DHCR24: variants seen among roughly 807,000 people sequenced by gnomAD.
DHCR24 encodes delta(24)-sterol reductase.
Under a neutral mutation model 61.2 loss-of-function variants are expected in DHCR24, and 28 were observed. The observed-to-expected ratio is 0.46, with a 90% CI of 0.34 to 0.63. The LOEUF is 0.63. Ranked by LOEUF, DHCR24 falls within the 20% of genes least tolerant of loss-of-function variation. The pLI, the probability that DHCR24 is intolerant of heterozygous loss-of-function variation, is 0.01. For synonymous variants in DHCR24, 261 were observed against 275.9 expected (o/e 0.95, Z 0.54); for missense variants, 538 against 679.1 (o/e 0.79, Z 2.31).
intron 1 of DHCR24, chr1:54,886,645 C>T: frequency 2.0e-6 from 3 of 1,485,964 alleles, no homozygotes; most frequent in Non-Finnish European, 2.7e-6. Context: ...CCCCCTCTTC[C>T]CCTTCTTCAT....
intron 6 of DHCR24, among the ~76,000 whole-genome samples, chr1:54,858,760 C>CT (rs1646920999): frequency 6.6e-6 from 1 of 152,172 alleles, no homozygotes; most frequent in Non-Finnish European, 1.5e-5. Context: ...CCACAGCCTC[C>CT]TGAGTAGCTG....
rs1646869481 is a variant in DHCR24 at position 54,850,538 on chromosome 1, A to C, written c.*1695T>G. On this transcript the variant is annotated 3_prime_UTR_variant, in exon 9 of 9. Coordinates refer to ENST00000371269, the MANE Select transcript of DHCR24 (RefSeq NM_014762.4). ...GGCAGTGTGCCAAGCCTTGGGTGGG[A>C]TGGGTGAACACCCTTCAATGACTCT... is the stretch of plus-strand genomic sequence containing the variant. 6.6e-6 allele frequency: 1 copy of C among 152,156 alleles called. No homozygotes were observed. Among genetic ancestry groups the C allele is most frequent in the African/African-American group, 2.4e-5 (1 of 41,426 alleles). 9.4% of individuals were successfully genotyped at this position (152,156 alleles called of 1,614,324 possible). A position where few individuals can be genotyped will look rare whatever the true frequency, so the allele number is the denominator to read the frequency against.
rs1248506850 is a variant in DHCR24 at position 54,853,512 on chromosome 1, T to A, written c.1319A>T (p.Tyr440Phe). 6.2e-7 allele frequency: 1 copy of A among 1,614,046 alleles called. No homozygotes were observed. The highest frequency in any genetic ancestry group is 8.5e-7 in the Non-Finnish European group (1 of 1,180,034). Reference sequence around the variant, plus strand: ...AAAGTGTTTCACACGCGGCTCCCCATATGCTCCAATGTCGATGTAGAGCTC... The same window carrying A: ...AAAGTGTTTCACACGCGGCTCCCCAAATGCTCCAATGTCGATGTAGAGCTC... The part of the protein sequence containing the change: ...EAELYIDIGA[Y>F]GEPRVKHFEA... Residue 440 changes from tyrosine (Y) to phenylalanine (F), a missense_variant, in exon 8 of 9, where the codon TAT (tyrosine) becomes TTT (phenylalanine). By Grantham distance (22) the Tyr-to-Phe change is conservative (BLOSUM62 3). Coordinates refer to ENST00000371269, the MANE Select transcript of DHCR24 (RefSeq NM_014762.4).
chr1:54,856,842 A>G (rs2101558071), intron 6 of DHCR24, among the ~76,000 whole-genome samples: 1 of 152,304 alleles, frequency 6.6e-6, no homozygotes, highest in East Asian at 1.9e-4. Flanking sequence ...AGCTTGTACC[A>G]TTTTATACTC....
Position 54,876,032 on chromosome 1 carries a change from G to C in DHCR24, c.403C>G (p.Pro135Ala). ...GTCACCTGGCCCATGGTCACCAAGG[G>C]CTCCACACGGACAATCTGTTGACAC... The part of the protein sequence containing the change: ...DTKKQIVRVE[P>A]LVTMGQVTAL... The change falls in exon 3 of 9, where the codon CCC (proline) becomes GCC (alanine). Residue 135 changes from proline to alanine, a missense_variant. Pro to Ala is a conservative substitution (Grantham distance 27). Transcript: ENST00000371269. 1 of 1,613,900 alleles carries C rather than the reference G, an allele frequency of 6.2e-7. No individual in the cohort carries two copies. The highest frequency in any genetic ancestry group is 8.5e-7 in the Non-Finnish European group (1 of 1,179,822).
At chr1:54,865,242 T>C (rs1646961401) in intron 6 of DHCR24, 61 bp downstream of exon 6, 1 of 1,574,150 alleles carries the variant, frequency 6.4e-7, no homozygotes, top group East Asian at 2.3e-5. Context: ...CAGTGTTAAC[T>C]GTCCGGGCTC....
chr1:54,882,771 T>C (rs770559015), intron 2 of DHCR24, among the ~76,000 whole-genome samples: 3 of 152,168 alleles, frequency 2.0e-5, no homozygotes, highest in Admixed American at 6.5e-5. Context: ...ATTCCATTTA[T>C]ATAAACTCTA....
chr1:54,870,402 G>C (rs150235651), intron 5 of DHCR24, among the ~76,000 whole-genome samples: 13 of 152,280 alleles, frequency 8.5e-5, no homozygotes, highest in African/African-American at 2.4e-4. Context: ...AATCCATACA[G>C]AGAAAGAGGA....
At chr1:54,860,829 C>T (rs1646933070) in intron 6 of DHCR24, among the ~76,000 whole-genome samples, 1 of 150,602 alleles carries the variant, frequency 6.6e-6, no homozygotes, top group Non-Finnish European at 1.5e-5. Flanking sequence ...GCTAAAAATA[C>T]AAAAAAAAAT....
intron 6 of DHCR24, among the ~76,000 whole-genome samples, chr1:54,854,995 C>T (rs1646898900): frequency 6.6e-6 from 1 of 152,176 alleles, no homozygotes; most frequent in Non-Finnish European, 1.5e-5. Flanking sequence ...TCACAATCCT[C>T]CTCCCTGCTT....
intron 6 of DHCR24, among the ~76,000 whole-genome samples, chr1:54,859,565 C>G (rs1646924724): frequency 6.6e-6 from 1 of 152,034 alleles, no homozygotes; most frequent in Non-Finnish European, 1.5e-5. Context: ...CCTCCACTTC[C>G]TGGGTTCTCC....
chr1:54,851,753 G>A lies in DHCR24; in HGVS notation c.*480C>T, dbSNP rs576670614. 6.1e-4 allele frequency: 101 copies of A among 166,170 alleles called. 1 individual carries two copies. Among genetic ancestry groups the A allele is most frequent in the South Asian group, 3.1e-3 (19 of 6,222 alleles). The allele number at this position is 166,170 out of a possible 1,614,324, so 10.3% of individuals were successfully genotyped here. A position where few individuals can be genotyped will look rare whatever the true frequency, so the allele number is the denominator to read the frequency against. ...GAGGCGATGGCAGGGCAACTCCAGCGTATCCCCTTCATCATTCCAGCCATG... is the reference window on the plus strand; with the variant it reads ...GAGGCGATGGCAGGGCAACTCCAGCATATCCCCTTCATCATTCCAGCCATG... On this transcript the variant is annotated 3_prime_UTR_variant, in exon 9 of 9. Transcript: ENST00000371269.
rs1363991216 is a variant in DHCR24, at chr1:54,854,049, T to C, written c.1206A>G (p.Gln402=). ...KCLQQALHTF[Q]NDIHVYPIWL... ...CTGCCCCACTCACGTGGATGTCGTT[T>C]TGGAAGGTGTGCAGGGCCTGCTGCA... The change falls in exon 7 of 9, where the codon CAA becomes CAG. Residue 402 remains glutamine, a synonymous_variant. Transcript: ENST00000371269. 1 of 1,612,984 alleles carries C rather than the reference T, an allele frequency of 6.2e-7. No homozygotes were observed. The highest frequency in any genetic ancestry group is 1.3e-5 in the African/African-American group (1 of 74,914).
intron 6 of DHCR24, among the ~76,000 whole-genome samples, chr1:54,857,381 C>G (rs1238004490): frequency 6.6e-6 from 1 of 152,262 alleles, no homozygotes; most frequent in Non-Finnish European, 1.5e-5. Flanking sequence ...TCTATGAACA[C>G]AAGGACCCTA....
At chr1:54,858,786 A>G (rs1052656131) in intron 6 of DHCR24, among the ~76,000 whole-genome samples, 1 of 152,048 alleles carries the variant, frequency 6.6e-6, no homozygotes, top group South Asian at 2.1e-4. Flanking sequence ...ACAGGCATGC[A>G]CCACCACATC....
chr1:54,867,583 T>C (rs1646974146), intron 5 of DHCR24, among the ~76,000 whole-genome samples: 1 of 152,114 alleles, frequency 6.6e-6, no homozygotes, highest in Non-Finnish European at 1.5e-5. Flanking sequence ...ATCATAATCT[T>C]AGGGAGCATC....
chr1:54,877,211 C>T (rs1189145470), intron 2 of DHCR24, among the ~76,000 whole-genome samples: 3 of 151,834 alleles, frequency 2.0e-5, no homozygotes, highest in Non-Finnish European at 4.4e-5. Flanking sequence ...TCCTTTCACA[C>T]TATTTTGTAT....
chr1:54,867,852 C>T (rs600491), intron 5 of DHCR24, among the ~76,000 whole-genome samples: 72,408 of 152,064 alleles, frequency 0.48, 18,997 homozygotes, highest in South Asian at 0.65. Flanking sequence ...GTATTGCCAC[C>T]GCTGTTCCAG....
chr1:54,851,801 T>C lies in DHCR24; in HGVS notation c.*432A>G. On this transcript the variant is annotated 3_prime_UTR_variant, in exon 9 of 9. Coordinates refer to ENST00000371269, the MANE Select transcript of DHCR24 (RefSeq NM_014762.4). ...ATGGCTGTGCACAGGTGACCTAATG[T>C]GGAGCCTTTTCAGGCTCCACTGCAG... 1 of 212,770 alleles carries C rather than the reference T, an allele frequency of 4.7e-6. No individual in the cohort carries two copies. Among genetic ancestry groups the C allele is most frequent in the Non-Finnish European group, 9.5e-6 (1 of 104,876 alleles). The allele number at this position is 212,770 out of a possible 1,614,324, so 13.2% of individuals were successfully genotyped here.
Sources: gnomAD v4.1 joint callset for allele counts (sites outside exome capture counted in the v4.1 genomes callset) on GRCh38, gnomAD v4.1.1 for gene constraint, MANE v1.5 for transcripts, NCBI Gene and HGNC (gene_info 2026-07-23, HGNC 2026-07-21) for gene names.